Variants in KIAA0586 observed in about 807,000 individuals in gnomAD.
KIAA0586 encodes protein TALPID3.
KIAA0586 carries 144 observed loss-of-function variants against 169.8 expected under a neutral mutation model. The observed-to-expected ratio is 0.85, with a 90% CI of 0.74 to 0.97. The LOEUF (loss-of-function observed/expected upper bound fraction) is 0.97. Among genes scored for constraint, KIAA0586 ranks in the 50% least tolerant of loss-of-function variants. KIAA0586 has a pLI of 0.00. For synonymous variants in KIAA0586, 625 were observed against 612.4 expected, an observed-to-expected ratio of 1.02 and a Z score of -0.30; for missense variants, 1,854 against 1,823.0, an observed-to-expected ratio of 1.02 and a Z score of -0.31.
intron 29 of KIAA0586, among the ~76,000 whole-genome samples, chr14:58,524,695 T>C (rs762370319): frequency 4.4e-4 from 67 of 152,348 alleles, no homozygotes; most frequent in South Asian, 2.1e-3. Context: ...TTATCTGTAA[T>C]ATAGTATAGA....
rs1347880751 is a variant in KIAA0586, at chr14:58,428,182, G to T, written c.-83G>T. 2 of 1,516,024 alleles carry T rather than the reference G, an allele frequency of 1.3e-6. No individual in the cohort carries two copies. Among genetic ancestry groups the T allele is most frequent in the Admixed American group, 2.5e-5 (1 of 40,206 alleles). The allele number at this position is 1,516,024 out of a possible 1,614,324, so 93.9% of individuals were successfully genotyped here. ...TTTTAAAAACAGTTATTGCAAAGAG[G>T]TGAAAATTTTGTTCTGAAGTCTTAA... On this transcript the variant is annotated 5_prime_UTR_variant, in exon 1 of 31. Coordinates refer to ENST00000652326, the MANE Select transcript of KIAA0586 (RefSeq NM_001329943.3).
At chr14:58,494,172 A>G (rs138223830) in intron 26 of KIAA0586, among the ~76,000 whole-genome samples, 136 of 143,336 alleles carry the variant, frequency 9.5e-4, no homozygotes, top group African/African-American at 3.2e-3. Context: ...TGACACTTCT[A>G]CTTCTGTTTT....
At chr14:58,478,618 C>G (rs2041823938) in intron 20 of KIAA0586, among the ~76,000 whole-genome samples, 2 of 152,140 alleles carry the variant, frequency 1.3e-5, no homozygotes. Flanking sequence ...AGGAGTGAGT[C>G]ACCGCACCTG....
intron 29 of KIAA0586, among the ~76,000 whole-genome samples, chr14:58,515,262 G>A (rs886762049): frequency 1.3e-5 from 2 of 151,708 alleles, no homozygotes; most frequent in Admixed American, 1.3e-4. Context: ...GTATCAAAGT[G>A]CTAAAAGTAA....
intron 19 of KIAA0586, among the ~76,000 whole-genome samples, chr14:58,475,914 A>G (rs1339929610): frequency 6.6e-6 from 1 of 152,134 alleles, no homozygotes. Context: ...AGCCTGACCA[A>G]CATGATGAAA....
intron 30 of KIAA0586, chr14:58,544,114 G>A (rs1029642031): frequency 2.1e-5 from 6 of 280,158 alleles, no homozygotes; most frequent in African/African-American, 1.4e-4. Context: ...GTGAGAACAT[G>A]CAGTATTTGG....
In KIAA0586 at chr14:58,551,123, AGGT is replaced by A. The variant is rs2047191174; in HGVS notation, c.*3194_*3196del. On this transcript the variant is annotated 3_prime_UTR_variant, in exon 31 of 31. Coordinates refer to ENST00000652326, the MANE Select transcript of KIAA0586 (RefSeq NM_001329943.3). The stretch of plus-strand genomic sequence containing the variant: ...AGAATTGCTTCAACCCAGGAGGCAG[AGGT>A]GGCAACGAGCTGAGACTGCACCACT... 1 of 152,094 alleles carries A rather than the reference AGGT, an allele frequency of 6.6e-6. No homozygotes were observed. Among genetic ancestry groups the A allele is most frequent in the Admixed American group, 6.6e-5 (1 of 15,260 alleles). 9.4% of individuals were successfully genotyped at this position (152,094 alleles called of 1,614,324 possible).
intron 4 of KIAA0586, among the ~76,000 whole-genome samples, chr14:58,437,665 C>T (rs2037939698): frequency 8.0e-6 from 1 of 125,048 alleles, no homozygotes; most frequent in African/African-American, 3.1e-5. Context: ...CATGGTTATG[C>T]TAATACACTC....
rs1037729493 is a variant in KIAA0586 at position 58,539,055 on chromosome 14, C to T, written c.4430-1016C>T. Among the ~76,000 whole-genome samples, 5 of 152,204 alleles carry T rather than the reference C, an allele frequency of 3.3e-5. No homozygotes were observed. The East Asian group carries it at 9.6e-4, about 29-fold the overall frequency. On this transcript the variant is annotated intron_variant, in intron 29 of 30. Transcript: ENST00000652326. ...TCAAACTCCCGAAGTGCTTGGATTA[C>T]AGGCATGAACCACCTCACCCAGACT...
intron 4 of KIAA0586, among the ~76,000 whole-genome samples, chr14:58,432,875 C>G (rs1358164278): frequency 1.3e-5 from 2 of 152,060 alleles, no homozygotes; most frequent in Non-Finnish European, 2.9e-5. Context: ...TGCCATCATG[C>G]CCAGCTAATT....
rs2047194223 is a variant in KIAA0586 at position 58,551,257 on chromosome 14, T to C, written c.*3325T>C. 1 of 152,214 alleles carries C rather than the reference T, an allele frequency of 6.6e-6. No homozygotes were observed. The highest frequency in any genetic ancestry group is 1.9e-4 in the East Asian group (1 of 5,204). The allele number at this position is 152,214 out of a possible 1,614,324, so 9.4% of individuals were successfully genotyped here. A position where few individuals can be genotyped will look rare whatever the true frequency, so the allele number is the denominator to read the frequency against. ...TCCTAAATTCGTTCTTTGTATACTT[T>C]AATAGAATCTTGAATAAATATTTTT... On this transcript the variant is annotated 3_prime_UTR_variant, in exon 31 of 31. Coordinates refer to ENST00000652326, the MANE Select transcript of KIAA0586 (RefSeq NM_001329943.3).
rs180713028 is a variant in KIAA0586, at chr14:58,476,482, C to G, written c.2826-641C>G. On this transcript the variant is annotated intron_variant, in intron 19 of 30. Coordinates refer to ENST00000652326, the MANE Select transcript of KIAA0586 (RefSeq NM_001329943.3). ...ATCTGATATGGTTTTTATGTGTGCA[C>G]TCAGAGTGGAAATCAAACAGTTTAG... Among the ~76,000 whole-genome samples the G allele has an allele frequency of 2.2e-4, 34 of 152,208 alleles. No homozygotes were observed. The East Asian group carries it at 6.6e-3, about 29-fold the overall frequency.
At chr14:58,434,671 T>C (rs1213983298) in intron 4 of KIAA0586, among the ~76,000 whole-genome samples, 1 of 152,260 alleles carries the variant, frequency 6.6e-6, no homozygotes, top group East Asian at 1.9e-4. Flanking sequence ...TACACAGTGA[T>C]TGGAATGCAG....
chr14:58,458,419 C>A, intron 11 of KIAA0586, 54 bp from the exon 12 acceptor site: 1 of 930,532 alleles, frequency 1.1e-6, no homozygotes, highest in Non-Finnish European at 1.7e-6. Context: ...TGATCCAAGT[C>A]CTGCTCAGGA....
chr14:58,517,865 G>T (rs2044877619), intron 29 of KIAA0586, among the ~76,000 whole-genome samples: 1 of 152,142 alleles, frequency 6.6e-6, no homozygotes, highest in Non-Finnish European at 1.5e-5. Flanking sequence ...TGTAGTGAAA[G>T]AAGTTAAAAG....
At chr14:58,517,107 G>A (rs1319254740) in intron 29 of KIAA0586, among the ~76,000 whole-genome samples, 4 of 152,152 alleles carry the variant, frequency 2.6e-5, no homozygotes, top group Non-Finnish European at 5.9e-5. Context: ...CTAAGCTATT[G>A]CAGAAACTAA....
downstream of KIAA0586, chr14:58,551,429 T>A (rs945733612): frequency 3.3e-5 from 5 of 152,152 alleles, no homozygotes; most frequent in Non-Finnish European, 5.9e-5. Flanking sequence ...AAGTAGCATT[T>A]TTAAGTTCAT....
chr14:58,452,589 T>C (rs1327685470), intron 8 of KIAA0586, among the ~76,000 whole-genome samples: 1 of 152,240 alleles, frequency 6.6e-6, no homozygotes, highest in Non-Finnish European at 1.5e-5. Flanking sequence ...TTTATAAAAG[T>C]CGTCTATTTT....
At position 58,508,719 on chromosome 14, in the gene KIAA0586, T is replaced by A; in HGVS notation, c.4323+10T>A. On this transcript the variant is annotated intron_variant, in intron 28 of 30. Transcript: ENST00000652326. ...TGAAGATTTTTCCCAGGTACCAAAT[T>A]AATAGCACTTGTATTTTACTTAAAA... is the stretch of plus-strand genomic sequence containing the variant. 6.4e-7 allele frequency: 1 copy of A among 1,564,838 alleles called. No individual in the cohort carries two copies. Among genetic ancestry groups the A allele is most frequent in the Non-Finnish European group, 8.7e-7 (1 of 1,150,634 alleles).
Sources: allele counts gnomAD v4.1 joint callset (sites outside exome capture counted in the v4.1 genomes callset), GRCh38; gene constraint gnomAD v4.1.1; transcripts MANE v1.5; gene names NCBI Gene and HGNC (gene_info 2026-07-23, HGNC 2026-07-21).